Variants in PUS7 observed in about 807,000 individuals in gnomAD.
The protein encoded by PUS7 is pseudouridine synthase 7, also known as pseudouridylate synthase 7 homolog.
In PUS7, 48 loss-of-function variants were observed where a neutral mutation model predicts 79.8. The ratio of observed to expected loss-of-function variants is 0.60; its 90% CI spans 0.48 to 0.76. The LOEUF (loss-of-function observed/expected upper bound fraction) is 0.76, where lower values mean the gene tolerates loss of function less well. PUS7 is among the 30% of genes least tolerant of loss of function. The pLI is 0.00. For synonymous variants in PUS7, 286 were observed against 272.2 expected (o/e 1.05, Z -0.50); for missense variants, 729 against 797.6 (o/e 0.91, Z 1.04).
intron 9 of PUS7, among the ~76,000 whole-genome samples, chr7:105,475,343 G>A (rs1468033988): frequency 7.2e-5 from 11 of 152,004 alleles, no homozygotes; most frequent in Admixed American, 2.0e-4. Context: ...GCGCCACCAC[G>A]CCTGGCTAAT....
chr7:105,516,261 G>C (rs1825890044), intron 1 of PUS7, among the ~76,000 whole-genome samples: 1 of 152,012 alleles, frequency 6.6e-6, no homozygotes, highest in Admixed American at 6.6e-5. Context: ...AATTATTAAA[G>C]TATATATAGT....
At chr7:105,488,193 A>C (rs891361012) in intron 7 of PUS7, among the ~76,000 whole-genome samples, 2 of 152,230 alleles carry the variant, frequency 1.3e-5, no homozygotes, top group Non-Finnish European at 2.9e-5. Flanking sequence ...TGACCAAGAA[A>C]AAAAAGAAAT....
intron 8 of PUS7, 96 bp from the exon 9 acceptor site, chr7:105,481,273 C>A: frequency 9.5e-7 from 1 of 1,048,186 alleles, no homozygotes; most frequent in Non-Finnish European, 1.3e-6. Context: ...CCAAGTCTTT[C>A]GTTCACTCTC....
At chr7:105,521,955 A>C (rs1826137647) in intron 1 of PUS7, 97 bp downstream of exon 1, 1 of 152,454 alleles carries the variant, frequency 6.6e-6, no homozygotes, top group Admixed American at 6.5e-5. Context: ...CCGCCTTCCC[A>C]GTCCGCACTG....
intron 7 of PUS7, among the ~76,000 whole-genome samples, chr7:105,489,816 G>A (rs1431537939): frequency 6.6e-6 from 1 of 152,090 alleles, no homozygotes; most frequent in Non-Finnish European, 1.5e-5. Flanking sequence ...AAAAGATGAG[G>A]AAATTCAAAA....
At chr7:105,513,156 C>T (rs1825763638) in intron 1 of PUS7, among the ~76,000 whole-genome samples, 1 of 152,172 alleles carries the variant, frequency 6.6e-6, no homozygotes, top group African/African-American at 2.4e-5. Flanking sequence ...ATGCCCTTAC[C>T]AAAAACCTGC....
At chr7:105,478,255 G>A (rs887689304) in intron 9 of PUS7, among the ~76,000 whole-genome samples, 1 of 152,070 alleles carries the variant, frequency 6.6e-6, no homozygotes, top group East Asian at 1.9e-4. Context: ...TGGACATTTG[G>A]GTTGTTTCCA....
intron 7 of PUS7, among the ~76,000 whole-genome samples, chr7:105,485,349 A>T (rs1024942482): frequency 1.3e-5 from 2 of 152,188 alleles, no homozygotes; most frequent in Non-Finnish European, 2.9e-5. Flanking sequence ...AGCTGGGATT[A>T]CAGGCATGCG....
intron 4 of PUS7, among the ~76,000 whole-genome samples, chr7:105,503,744 T>C (rs147458808): frequency 0.044 from 6,757 of 151,856 alleles, 211 homozygotes; most frequent in South Asian, 0.12. Flanking sequence ...GCCATCCTCC[T>C]ATCTCAGCCT....
At chr7:105,501,252 T>C (rs1245284189) in intron 5 of PUS7, among the ~76,000 whole-genome samples, 1 of 152,228 alleles carries the variant, frequency 6.6e-6, no homozygotes, top group African/African-American at 2.4e-5. Context: ...AGTTTTTTGT[T>C]ATATGGTCTT....
At chr7:105,479,513 C>T (rs776676270) in intron 9 of PUS7, among the ~76,000 whole-genome samples, 7 of 152,098 alleles carry the variant, frequency 4.6e-5, no homozygotes, top group Admixed American at 1.3e-4. Flanking sequence ...AACTCCCACG[C>T]GAATAATTAG....
rs1321450898 is a variant in PUS7 at position 105,475,231 on chromosome 7, G to A, written c.1176-3038C>T. 2.0e-5 allele frequency among the ~76,000 whole-genome samples: 3 copies of A among 152,222 alleles called. No individual in the cohort carries two copies. In the Middle Eastern group the frequency reaches 0.01, roughly 518 times the overall value. On this transcript the variant is annotated intron_variant, in intron 9 of 15. Coordinates refer to ENST00000469408, the MANE Select transcript of PUS7 (RefSeq NM_019042.5). ...GATGGAGTCTCGCTCTGTCACCCAG[G>A]CTAGAGTGCAGTGGCACGATCTCGG...
rs958626613 is a variant in PUS7 at position 105,476,123 on chromosome 7, C to CAA, written c.1176-3932_1176-3931dup. Among the ~76,000 whole-genome samples the CAA allele has an allele frequency of 9.3e-3, 363 of 39,074 alleles. 4 individuals are homozygous for CAA. The highest frequency in any genetic ancestry group is 0.02 in the African/African-American group (318 of 15,906). The allele number at this position is 39,074 out of a possible 152,430, so 25.6% of individuals were successfully genotyped here. On this transcript the variant is annotated intron_variant, in intron 9 of 15. Transcript: ENST00000469408. Reference sequence around the variant, plus strand: ...TGGGCGACAGAGCAAGACTCCGTCTCAAAAAAAAAAAAAAAAAAAAAAAAA... The same window carrying CAA: ...TGGGCGACAGAGCAAGACTCCGTCTCAAAAAAAAAAAAAAAAAAAAAAAAAAA...
At chr7:105,472,228 G>A (rs1279589952) in intron 9 of PUS7, 35 bp from the exon 10 acceptor site, 10 of 1,332,732 alleles carry the variant, frequency 7.5e-6, no homozygotes, top group Non-Finnish European at 1.1e-5. Flanking sequence ...ACTAAATTTT[G>A]CATAAAGATA....
intron 4 of PUS7, among the ~76,000 whole-genome samples, chr7:105,504,122 T>G (rs991451679): frequency 8.1e-5 from 12 of 147,248 alleles, no homozygotes; most frequent in Non-Finnish European, 1.2e-4. Flanking sequence ...CAGGCTGGAG[T>G]GCAATGGCAC....
At chr7:105,521,751 G>A (rs1209108176) in intron 1 of PUS7, among the ~76,000 whole-genome samples, 6 of 152,156 alleles carry the variant, frequency 3.9e-5, no homozygotes, top group Non-Finnish European at 7.4e-5. Flanking sequence ...AGCGCCGCGC[G>A]GGGAGGAGGG....
chr7:105,465,560 C>T (rs892984100), intron 12 of PUS7, 146 bp from the exon 13 acceptor site: 10 of 598,018 alleles, frequency 1.7e-5, no homozygotes, highest in African/African-American at 9.5e-5. Context: ...ATGCCAGGTG[C>T]GGTGGCTCAC....
intron 9 of PUS7, among the ~76,000 whole-genome samples, chr7:105,473,390 C>T (rs1349463445): frequency 6.6e-6 from 1 of 151,176 alleles, no homozygotes; most frequent in Non-Finnish European, 1.5e-5. Context: ...GCTGGGACTA[C>T]AGGCTGAGTC....
chr7:105,505,366 T>C (rs1004730052), intron 4 of PUS7, among the ~76,000 whole-genome samples: 6 of 152,280 alleles, frequency 3.9e-5, no homozygotes, highest in Middle Eastern at 3.4e-3. Flanking sequence ...TTTTCTTCAA[T>C]AGCAGAATTG....
Sources: allele counts gnomAD v4.1 joint callset (sites outside exome capture counted in the v4.1 genomes callset), GRCh38; gene constraint gnomAD v4.1.1; transcripts MANE v1.5; gene names NCBI Gene and HGNC (gene_info 2026-07-23, HGNC 2026-07-21).